Variants in MYO7A observed in about 807,000 individuals in gnomAD.
MYO7A encodes unconventional myosin-VIIa.
A neutral mutation model predicts 263.8 loss-of-function variants in MYO7A; 210 were observed. The ratio of observed to expected loss-of-function variants is 0.80; its 90% CI spans 0.71 to 0.89. MYO7A has a LOEUF of 0.89. Ranked by LOEUF, MYO7A falls within the 40% of genes least tolerant of loss-of-function variation. MYO7A has a pLI of 0.00. For synonymous variants in MYO7A, 1,239 were observed against 1,197.3 expected (o/e 1.03, Z -0.72); for missense variants, 2,820 against 2,968.3 (o/e 0.95, Z 1.16).
intron 31 of MYO7A, among the ~76,000 whole-genome samples, chr11:77,192,916 G>GTA (rs1245160784): frequency 0.017 from 34 of 2,032 alleles, no homozygotes; most frequent in South Asian, 0.064. Flanking sequence ...GATGGTGGAG[G>GTA]GTAGTGATGG....
At chr11:77,211,006 G>T (rs904331560) in intron 44 of MYO7A, 146 bp from the exon 45 acceptor site, 19 of 704,748 alleles carry the variant, frequency 2.7e-5, no homozygotes, top group African/African-American at 7.2e-5. Flanking sequence ...CCCTGGGGGA[G>T]CAGTGTCAGC....
chr11:77,208,409 C>T (rs1957607144), intron 42 of MYO7A, 21 bp from the exon 43 acceptor site: 1 of 1,580,682 alleles, frequency 6.3e-7, no homozygotes, highest in Non-Finnish European at 8.7e-7. Context: ...ACTGAGTGTG[C>T]TTCGATGGCC....
At position 77,166,002 on chromosome 11, in the gene MYO7A, T is replaced by TTGGGGAGGGCCTGCCAGAGC. The variant is rs1953506475; in HGVS notation, c.1691-50_1691-31dup. 4 of 1,347,268 alleles carry TTGGGGAGGGCCTGCCAGAGC rather than the reference T, an allele frequency of 3.0e-6. No homozygotes were observed. In the East Asian group the frequency reaches 9.3e-5, roughly 31 times the overall value. The allele number at this position is 1,347,268 out of a possible 1,614,324, so 83.5% of individuals were successfully genotyped here. A position where few individuals can be genotyped will look rare whatever the true frequency, so the allele number is the denominator to read the frequency against. ...TCCTCCTGGCTCAGATGTTATGGGT[T>TTGGGGAGGGCCTGCCAGAGC]TGGGGAGGGCCTGCCAGAGCTGGTG... is the stretch of plus-strand genomic sequence containing the variant. On this transcript the variant is annotated intron_variant, in intron 14 of 48. Coordinates refer to ENST00000409709, the MANE Select transcript of MYO7A (RefSeq NM_000260.4).
In MYO7A at chr11:77,174,836, C is replaced by T. The variant is rs1954482334; in HGVS notation, c.2016C>T (p.Tyr672=). 5 of 1,613,614 alleles carry T rather than the reference C, an allele frequency of 3.1e-6. No homozygotes were observed. The highest frequency in any genetic ancestry group is 1.1e-5 in the South Asian group (1 of 91,072). ...METIRIRRAG[Y]PIRYSFVEFV... ...CCATCCGAATCCGCCGAGCTGGCTA[C>T]CCCATCCGCTACAGCTTCGTAGAGT... Residue 672 remains tyrosine, a synonymous_variant, in exon 17 of 49, where the codon TAC becomes TAT. Coordinates refer to ENST00000409709, the MANE Select transcript of MYO7A (RefSeq NM_000260.4).
chr11:77,212,283 C>G (rs1179825386), intron 46 of MYO7A: 1 of 432,906 alleles, frequency 2.3e-6, no homozygotes, highest in East Asian at 6.5e-5. Context: ...GAGGTGATAT[C>G]TGAGCTTTCC....
intron 25 of MYO7A, among the ~76,000 whole-genome samples, 164 bp from the exon 26 acceptor site, chr11:77,182,904 T>TG (rs1205340038): frequency 1.3e-5 from 2 of 152,168 alleles, no homozygotes; most frequent in Non-Finnish European, 2.9e-5. Context: ...AGTTGGCTAG[T>TG]GGGGGTGCAA....
chr11:77,184,285 C>A (rs782379090), intron 26 of MYO7A, among the ~76,000 whole-genome samples: 1 of 152,094 alleles, frequency 6.6e-6, no homozygotes, highest in Non-Finnish European at 1.5e-5. Flanking sequence ...ATGTCCCTGT[C>A]CTGGCTGAGA....
Position 77,202,371 on chromosome 11 carries a change from C to T in MYO7A, c.5115C>T (p.Pro1705=), listed in dbSNP as rs111033411. Reference sequence around the variant, plus strand: ...TCTTGCAGCTGCGAACGGCGGAGCCCGAGGTGCGTGCCAAGCCCTACACGC... The same window carrying T: ...TCTTGCAGCTGCGAACGGCGGAGCCTGAGGTGCGTGCCAAGCCCTACACGC... ...VRLLQLRTAE[P]EVRAKPYTLE... Residue 1705 remains proline (P), a synonymous_variant, in exon 37 of 49, where the codon CCC becomes CCT. Coordinates refer to ENST00000409709, the MANE Select transcript of MYO7A (RefSeq NM_000260.4). 67 of 1,561,134 alleles carry T rather than the reference C, an allele frequency of 4.3e-5. No individual in the cohort carries two copies. The Admixed American group carries it at 6.7e-4, about 16-fold the overall frequency.
At chr11:77,175,763 T>C (rs1954601748) in intron 18 of MYO7A, among the ~76,000 whole-genome samples, 2 of 152,184 alleles carry the variant, frequency 1.3e-5, no homozygotes, top group Non-Finnish European at 1.5e-5. Flanking sequence ...CTGCTTGCCT[T>C]GGGGCCCTTT....
intron 3 of MYO7A, among the ~76,000 whole-genome samples, chr11:77,145,914 T>C (rs1420074798): frequency 2.6e-5 from 4 of 152,150 alleles, no homozygotes; most frequent in East Asian, 1.9e-4. Context: ...GGTCTGTCCA[T>C]GACTGACTTC....
intron 3 of MYO7A, among the ~76,000 whole-genome samples, chr11:77,145,287 A>C (rs904178277): frequency 2.0e-5 from 3 of 152,230 alleles, no homozygotes; most frequent in Non-Finnish European, 2.9e-5. Context: ...GCTGTCAACA[A>C]AGATGGATGT....
At chr11:77,189,907 A>T in intron 28 of MYO7A, 113 bp from the exon 29 acceptor site, 1 of 1,430,500 alleles carries the variant, frequency 7.0e-7, no homozygotes, top group Non-Finnish European at 9.2e-7. Flanking sequence ...GAAGCCACAG[A>T]AAGCAACCTG....
Position 77,203,224 on chromosome 11 carries a change from G to C in MYO7A, c.5326+7G>C. On this transcript the variant is annotated splice_region_variant and intron_variant, in intron 38 of 48. Coordinates refer to ENST00000409709, the MANE Select transcript of MYO7A (RefSeq NM_000260.4). Reference sequence around the variant, plus strand: ...GCCTGCCTGGCCTTCATTGATATCCGTGCCACTGGGCTGTGCCCAGGGGAG... The same window carrying C: ...GCCTGCCTGGCCTTCATTGATATCCCTGCCACTGGGCTGTGCCCAGGGGAG... 1 of 1,552,020 alleles carries C rather than the reference G, an allele frequency of 6.4e-7. No homozygotes were observed. The highest frequency in any genetic ancestry group is 8.7e-7 in the Non-Finnish European group (1 of 1,148,622).
intron 30 of MYO7A, among the ~76,000 whole-genome samples, chr11:77,191,592 C>T (rs534725418): frequency 2.6e-5 from 4 of 152,336 alleles, no homozygotes; most frequent in Non-Finnish European, 4.4e-5. Context: ...GGAGTGTGGG[C>T]GTCCCGCAGA....
At chr11:77,145,397 A>G (rs1555053128) in intron 3 of MYO7A, among the ~76,000 whole-genome samples, 2 of 152,128 alleles carry the variant, frequency 1.3e-5, no homozygotes, top group Non-Finnish European at 2.9e-5. Flanking sequence ...CAGGAGGGCA[A>G]ATTGATGTGC....
At chr11:77,156,575 G>C (rs1271121872) in intron 5 of MYO7A, 85 bp from the exon 6 acceptor site, 2 of 1,575,374 alleles carry the variant, frequency 1.3e-6, no homozygotes, top group Admixed American at 1.7e-5. Flanking sequence ...GGGGGAGCTG[G>C]TGGATGGTGC....
At chr11:77,199,920 G>C in intron 35 of MYO7A, 102 bp downstream of exon 35, 1 of 1,194,062 alleles carries the variant, frequency 8.4e-7, no homozygotes, top group South Asian at 1.8e-5. Context: ...TGGAGGCTGG[G>C]AGATTTATGA....
chr11:77,160,428 G>T, intron 11 of MYO7A, 146 bp downstream of exon 11: 1 of 1,232,782 alleles, frequency 8.1e-7, no homozygotes, highest in Non-Finnish European at 1.1e-6. Flanking sequence ...GGCCTTCCTT[G>T]AGTCCCAGGT....
Position 77,128,367 on chromosome 11 carries a change from AGAGG to A in MYO7A, c.-168_-165del, listed in dbSNP as rs797030288. 2.6e-5 allele frequency: 4 copies of A among 152,634 alleles called. No homozygotes were observed. The highest frequency in any genetic ancestry group is 9.6e-5 in the African/African-American group (4 of 41,590). The allele number at this position is 152,634 out of a possible 1,614,324, so 9.5% of individuals were successfully genotyped here. ...CCTAGAACGAGACTTGGAGCCAGAC[AGAGG>A]AAGAGGGGACGTGTGTTTGCAGACT... On this transcript the variant is annotated 5_prime_UTR_variant, in exon 1 of 49. Coordinates refer to ENST00000409709, the MANE Select transcript of MYO7A (RefSeq NM_000260.4).
Sources: gnomAD v4.1 joint callset for allele counts (sites outside exome capture counted in the v4.1 genomes callset) on GRCh38, gnomAD v4.1.1 for gene constraint, MANE v1.5 for transcripts, NCBI Gene and HGNC (gene_info 2026-07-23, HGNC 2026-07-21) for gene names.